The following FOXM1 variants were observed in gnomAD, a reference collection of about 807,000 sequenced individuals.
FOXM1 encodes forkhead box M1, also known as forkhead box protein M1.
A neutral mutation model predicts 63.6 loss-of-function variants in FOXM1; 25 were observed. That is an observed-to-expected ratio of 0.39 (90% CI 0.29 to 0.55). The LOEUF is 0.55. FOXM1 is among the 20% of genes least tolerant of loss of function. The pLI, the probability that FOXM1 is intolerant of heterozygous loss-of-function variation, is 0.60. For missense variants in FOXM1, 879 were observed against 958.7 expected (o/e 0.92, Z 1.10); for synonymous variants, 387 against 376.9 (o/e 1.03, Z -0.31).
In FOXM1 at chr12:2,864,131, A is replaced by G; in HGVS notation, c.1266+189T>C. 1.7e-6 allele frequency: 1 copy of G among 586,968 alleles called. No individual in the cohort carries two copies. Among genetic ancestry groups the G allele is most frequent in the Non-Finnish European group, 3.0e-6 (1 of 332,058 alleles). 36.4% of individuals were successfully genotyped at this position (586,968 alleles called of 1,614,324 possible). A position where few individuals can be genotyped will look rare whatever the true frequency, so the allele number is the denominator to read the frequency against. ...AGGTATTTATGGGCCTTCTGACACC[A>G]CTTACATTGTAATCCAAATACCTTT... On this transcript the variant is annotated intron_variant, in intron 8 of 8. Transcript: ENST00000359843. This position sits in a 1 kb window ranked among gnomAD's most constrained non-coding sequence, Gnocchi z 5.1.
intron 4 of FOXM1, among the ~76,000 whole-genome samples, chr12:2,867,956 G>A (rs1167800001): frequency 6.7e-6 from 1 of 149,280 alleles, no homozygotes; most frequent in Non-Finnish European, 1.5e-5. Context: ...CTCCAGCCTG[G>A]GTGACAGAGC....
At chr12:2,863,022 C>T (rs1190560571) in intron 8 of FOXM1, among the ~76,000 whole-genome samples, 1 of 152,036 alleles carries the variant, frequency 6.6e-6, no homozygotes, top group African/African-American at 2.4e-5. Flanking sequence ...TCCAAGTTGG[C>T]TCTGAATTTA....
chr12:2,866,524 G>A lies in FOXM1; in HGVS notation c.847-3C>T. The A allele has an allele frequency of 6.6e-7, 1 of 1,523,644 alleles. No individual in the cohort carries two copies. Among genetic ancestry groups the A allele is most frequent in the Non-Finnish European group, 8.8e-7 (1 of 1,140,478 alleles). 94.4% of individuals were successfully genotyped at this position (1,523,644 alleles called of 1,614,324 possible). ...GAAAGGTTGTGGCGGATGGAGTTCTGGAAGAAGAGCAAGACAACTGGTTAT... is the reference window on the plus strand; with the variant it reads ...GAAAGGTTGTGGCGGATGGAGTTCTAGAAGAAGAGCAAGACAACTGGTTAT... On this transcript the variant is annotated splice_polypyrimidine_tract_variant and splice_region_variant and intron_variant, in intron 4 of 8. Transcript: ENST00000359843.
In FOXM1 at chr12:2,858,974, G is replaced by C; in HGVS notation, c.1956C>G (p.Asp652Glu). The C allele has an allele frequency of 6.2e-7, 1 of 1,613,480 alleles. No individual in the cohort carries two copies. Among genetic ancestry groups the C allele is most frequent in the East Asian group, 2.2e-5 (1 of 44,850 alleles). Residue 652 changes from aspartate (D) to glutamate (E), a missense_variant, in exon 9 of 9, where the codon GAC becomes GAG. Physicochemically the swap from Asp to Glu is conservative, Grantham distance 45. Coordinates refer to ENST00000359843, the MANE Select transcript of FOXM1 (RefSeq NM_021953.4). ...TSQGASDPLP[D>E]PLGLMDLSTT... is the part of the protein sequence containing the mutation. Reference sequence around the variant, plus strand: ...TGCTGAGATCCATCAGCCCCAGGGGGTCAGGCAAGGGGTCAGAGGCACCCT... The same window carrying C: ...TGCTGAGATCCATCAGCCCCAGGGGCTCAGGCAAGGGGTCAGAGGCACCCT...
Position 2,864,596 on chromosome 12 carries a change from G to A in FOXM1, c.1090+87C>T, listed in dbSNP as rs1180890137. The A allele has an allele frequency of 2.5e-6, 4 of 1,582,848 alleles. No individual in the cohort carries two copies. Among genetic ancestry groups the A allele is most frequent in the Admixed American group, 1.7e-5 (1 of 59,746 alleles). On this transcript the variant is annotated intron_variant, in intron 7 of 8. Transcript: ENST00000359843. The surrounding 1 kb of genome is among the most constrained non-coding windows in gnomAD (Gnocchi z 5.1). Reference sequence around the variant, plus strand: ...CTTCTCTGGGCTCAGATCCCTTTGAGGTGGGAACAGAATCCCAGAGTCTGG... The same window carrying A: ...CTTCTCTGGGCTCAGATCCCTTTGAAGTGGGAACAGAATCCCAGAGTCTGG...
chr12:2,875,463 G>A (rs1018089076), intron 1 of FOXM1, among the ~76,000 whole-genome samples: 1 of 152,194 alleles, frequency 6.6e-6, no homozygotes, highest in African/African-American at 2.4e-5. Flanking sequence ...TGTGCAGCTT[G>A]TGCACTGAAC....
intron 5 of FOXM1, among the ~76,000 whole-genome samples, chr12:2,865,726 CT>C (rs940093329): frequency 1.5e-5 from 2 of 135,250 alleles, no homozygotes; most frequent in Admixed American, 1.8e-4. Flanking sequence ...GATTTCAGCT[CT>C]CCACAACCAC....
rs2098120494 is a variant in FOXM1 at position 2,864,973 on chromosome 12, C to T, written c.1021-221G>A. On this transcript the variant is annotated intron_variant, in intron 6 of 8. Coordinates refer to ENST00000359843, the MANE Select transcript of FOXM1 (RefSeq NM_021953.4). This position sits in a 1 kb window ranked among gnomAD's most constrained non-coding sequence, Gnocchi z 5.1. Reference sequence around the variant, plus strand: ...ACAGACACATGATGGCAGAGTGGCACTACCGCTTCACCCACGTGTCCTCAA... The same window carrying T: ...ACAGACACATGATGGCAGAGTGGCATTACCGCTTCACCCACGTGTCCTCAA... 3.3e-6 allele frequency: 2 copies of T among 608,008 alleles called. No homozygotes were observed. The highest frequency in any genetic ancestry group is 2.7e-5 in the Admixed American group (1 of 37,056). 37.7% of individuals were successfully genotyped at this position (608,008 alleles called of 1,614,324 possible). A position where few individuals can be genotyped will look rare whatever the true frequency, so the allele number is the denominator to read the frequency against.
Position 2,864,527 on chromosome 12 carries a change from G to A in FOXM1, c.1091-32C>T, listed in dbSNP as rs752385092. The A allele has an allele frequency of 5.0e-6, 8 of 1,602,826 alleles. No homozygotes were observed. The East Asian group carries it at 1.6e-4, about 31-fold the overall frequency. ...GGAAACACGAGAGATCAGGAGCAGGGGGACTGGAGTACACCCCTTCTCAGC... is the reference window on the plus strand; with the variant it reads ...GGAAACACGAGAGATCAGGAGCAGGAGGACTGGAGTACACCCCTTCTCAGC... On this transcript the variant is annotated intron_variant, in intron 7 of 8. Transcript: ENST00000359843. The surrounding 1 kb of genome is among the most constrained non-coding windows in gnomAD (Gnocchi z 5.1).
At chr12:2,869,883 G>A (rs938877298) in intron 3 of FOXM1, among the ~76,000 whole-genome samples, 2 of 151,736 alleles carry the variant, frequency 1.3e-5, no homozygotes, top group African/African-American at 2.4e-5. Flanking sequence ...CGCTATGCCC[G>A]GTCTCATTCA....
At chr12:2,870,166 T>C in intron 3 of FOXM1, among the ~76,000 whole-genome samples, 1 of 151,162 alleles carries the variant, frequency 6.6e-6, no homozygotes, top group Non-Finnish European at 1.5e-5. Context: ...AATTTTGTAT[T>C]GCTAGTAGAG....
intron 2 of FOXM1, among the ~76,000 whole-genome samples, chr12:2,873,607 T>G (rs1423221489): frequency 6.7e-6 from 1 of 149,946 alleles, no homozygotes. Context: ...TGAGACAGAG[T>G]CTCCCTCTGT....
At position 2,872,261 on chromosome 12, in the gene FOXM1, A is replaced by T. The variant is rs202135187; in HGVS notation, c.503-14T>A. On this transcript the variant is annotated splice_polypyrimidine_tract_variant and intron_variant, in intron 2 of 8. Transcript: ENST00000359843. The surrounding 1 kb of genome is among the most constrained non-coding windows in gnomAD (Gnocchi z 4.0). The stretch of plus-strand genomic sequence containing the variant: ...CCTCACCATCTGCTAGAGGGAAAAT[A>T]ATCCAACACCCCACTTAGCTGCCTC... 1 of 1,613,548 alleles carries T rather than the reference A, an allele frequency of 6.2e-7. No homozygotes were observed. The highest frequency in any genetic ancestry group is 1.3e-5 in the African/African-American group (1 of 75,052).
At chr12:2,861,914 G>C (rs1163191232) in intron 8 of FOXM1, among the ~76,000 whole-genome samples, 1 of 152,004 alleles carries the variant, frequency 6.6e-6, no homozygotes, top group Non-Finnish European at 1.5e-5. Flanking sequence ...GGCGTGGTGG[G>C]TCATTCCTGT....
At position 2,859,391 on chromosome 12, in the gene FOXM1, G is replaced by C; in HGVS notation, c.1539C>G (p.Pro513=). 6.2e-7 allele frequency: 1 copy of C among 1,614,004 alleles called. No homozygotes were observed. Among genetic ancestry groups the C allele is most frequent in the South Asian group, 1.1e-5 (1 of 91,072 alleles). ...ACCTAAGCCCACTGTAGGACTTCTT[G>C]GGTCTTGGGGTGGGAGATTGGGACG... ...EDSSQSPTPR[P]KKSYSGLRSP... is the part of the protein sequence containing the mutation. The change falls in exon 9 of 9, where the codon CCC becomes CCG. Residue 513 remains proline (P), a synonymous_variant. Transcript: ENST00000359843.
chr12:2,859,095 G>T lies in FOXM1; in HGVS notation c.1835C>A (p.Pro612Gln). 1 of 1,606,290 alleles carries T rather than the reference G, an allele frequency of 6.2e-7. No individual in the cohort carries two copies. The change falls in exon 9 of 9, where the codon CCG becomes CAG. Residue 612 changes from proline (P) to glutamine (Q), a missense_variant. This residue lies in a region of FOXM1 where 486 missense variants were observed against 453.5 expected (regional missense o/e 1.07). Coordinates refer to ENST00000359843, the MANE Select transcript of FOXM1 (RefSeq NM_021953.4). ...IKETLPISST[P>Q]SKSVLPRTPE... ...GGTTCTGGGGAGGACAGATTTGCTC[G>T]GGGTGGAGGAGATGGGCAGCGTTTC...
chr12:2,868,033 C>CTTGA (rs959101882), intron 4 of FOXM1, among the ~76,000 whole-genome samples: 9 of 150,854 alleles, frequency 6.0e-5, no homozygotes, highest in African/African-American at 2.2e-4. Flanking sequence ...ACAAAGCACA[C>CTTGA]TTGACTTGGA....
chr12:2,867,913 G>A (rs919245115), intron 4 of FOXM1, among the ~76,000 whole-genome samples: 11 of 150,898 alleles, frequency 7.3e-5, no homozygotes, highest in Admixed American at 5.3e-4. Context: ...TGGAGGCGGA[G>A]GAGGTTGCAG....
At position 2,864,293 on chromosome 12, in the gene FOXM1, C is replaced by T. The variant is rs2098119095; in HGVS notation, c.1266+27G>A. The stretch of plus-strand genomic sequence containing the variant: ...CAACATTCTTAATTGGCCAGAATCT[C>T]TCTTCAGAGGAAAATAGGACACCCA... On this transcript the variant is annotated intron_variant, in intron 8 of 8. Coordinates refer to ENST00000359843, the MANE Select transcript of FOXM1 (RefSeq NM_021953.4). This position sits in a 1 kb window ranked among gnomAD's most constrained non-coding sequence, Gnocchi z 5.1. The T allele has an allele frequency of 1.9e-6, 3 of 1,585,744 alleles. No individual in the cohort carries two copies. The South Asian group carries it at 3.4e-5, about 18-fold the overall frequency.
Sources: allele counts gnomAD v4.1 joint callset (sites outside exome capture counted in the v4.1 genomes callset), GRCh38; gene constraint gnomAD v4.1.1; regional missense constraint gnomAD v4.1.1; non-coding constraint Gnocchi (gnomAD v3.1); transcripts MANE v1.5; gene names NCBI Gene and HGNC (gene_info 2026-07-23, HGNC 2026-07-21).